PTPRK: variants seen among roughly 807,000 people sequenced by gnomAD.
PTPRK encodes receptor-type tyrosine-protein phosphatase kappa.
In PTPRK, 75 loss-of-function variants were observed where a neutral mutation model predicts 178.0. The observed-to-expected ratio is 0.42, with a 90% confidence interval of 0.35 to 0.51. The LOEUF (loss-of-function observed/expected upper bound fraction) is 0.51. PTPRK is among the 20% of genes least tolerant of loss of function. The probability of loss-of-function intolerance (pLI) is 0.02; values close to 1 mark genes in which losing one functional copy is unlikely to be tolerated. For synonymous variants in PTPRK, 637 were observed against 620.6 expected, an observed-to-expected ratio of 1.03 and a Z score of -0.39; for missense variants, 1,441 against 1,797.8, an observed-to-expected ratio of 0.80 and a Z score of 3.59.
At chr6:128,193,255 G>A (rs1804171538) in intron 6 of PTPRK, among the ~76,000 whole-genome samples, 1 of 83,554 alleles carries the variant, frequency 1.2e-5, no homozygotes, top group Non-Finnish European at 2.1e-5. Context: ...TGACCAAGTG[G>A]AATCAAATGA....
intron 1 of PTPRK, among the ~76,000 whole-genome samples, chr6:128,442,954 G>T (rs1337066244): frequency 1.3e-5 from 2 of 152,156 alleles, no homozygotes; most frequent in African/African-American, 4.8e-5. Context: ...AATTTGTATA[G>T]CATTGGTGAA....
chr6:128,006,958 T>C (rs1046033259), intron 14 of PTPRK, among the ~76,000 whole-genome samples: 1 of 150,870 alleles, frequency 6.6e-6, no homozygotes, highest in South Asian at 2.1e-4. Context: ...TCTACATGTA[T>C]TCATCCCAGT....
chr6:128,409,881 A>C (rs2128378218), intron 1 of PTPRK, among the ~76,000 whole-genome samples: 1 of 152,324 alleles, frequency 6.6e-6, no homozygotes, highest in Admixed American at 6.5e-5. Flanking sequence ...TGGAACTGTA[A>C]GTCCATTAAA....
intron 3 of PTPRK, among the ~76,000 whole-genome samples, chr6:128,277,792 T>C (rs1820965453): frequency 6.6e-6 from 1 of 152,136 alleles, no homozygotes; most frequent in Non-Finnish European, 1.5e-5. Context: ...AAGAATATCC[T>C]AAGGTATGGA....
At chr6:128,197,264 T>C (rs1201257560) in intron 6 of PTPRK, among the ~76,000 whole-genome samples, 1 of 151,450 alleles carries the variant, frequency 6.6e-6, no homozygotes, top group Non-Finnish European at 1.5e-5. Flanking sequence ...TACATAGGTA[T>C]ACATGTGCCA....
At chr6:128,506,908 A>T (rs546043162) in intron 1 of PTPRK, among the ~76,000 whole-genome samples, 1 of 152,254 alleles carries the variant, frequency 6.6e-6, no homozygotes, top group South Asian at 2.1e-4. Context: ...GAGATTAGAT[A>T]TTCTGCAAAC....
intron 8 of PTPRK, 84 bp from the exon 9 acceptor site, chr6:128,083,908 T>G: frequency 1.7e-6 from 1 of 600,064 alleles, no homozygotes; most frequent in East Asian, 3.3e-5. Context: ...ATAAACAGGA[T>G]TAAAAATAAA....
intron 14 of PTPRK, among the ~76,000 whole-genome samples, chr6:128,008,757 G>A (rs1317430505): frequency 6.6e-6 from 1 of 150,860 alleles, no homozygotes; most frequent in Non-Finnish European, 1.5e-5. Flanking sequence ...TACAGAAAAA[G>A]AGCACAAAAT....
intron 3 of PTPRK, among the ~76,000 whole-genome samples, chr6:128,294,017 CT>C (rs1185332261): frequency 6.6e-6 from 1 of 152,018 alleles, no homozygotes; most frequent in Admixed American, 6.6e-5. Flanking sequence ...GTAGATGATT[CT>C]TTTTTCTTTT....
intron 5 of PTPRK, among the ~76,000 whole-genome samples, chr6:128,226,765 T>G (rs1385939096): frequency 9.1e-5 from 3 of 32,900 alleles, no homozygotes; most frequent in African/African-American, 1.5e-4. Flanking sequence ...TATAGACATA[T>G]ATATATATAT....
At chr6:128,092,028 CT>C (rs1263405798) in intron 7 of PTPRK, among the ~76,000 whole-genome samples, 2 of 151,728 alleles carry the variant, frequency 1.3e-5, no homozygotes, top group African/African-American at 2.4e-5. Context: ...GTTTTGGTGT[CT>C]TTAAATGCTG....
Position 128,384,944 on chromosome 6 carries a change from T to A in PTPRK, c.223+12622A>T, listed in dbSNP as rs919102749. 2.0e-5 allele frequency among the ~76,000 whole-genome samples: 3 copies of A among 151,496 alleles called. No homozygotes were observed. The South Asian group carries it at 6.2e-4, about 31-fold the overall frequency. ...GATTGGGTATCTCTCCAGGATAGTA[T>A]TATACATATTAAGTTTATTTTATTA... On this transcript the variant is annotated intron_variant, in intron 2 of 29. Transcript: ENST00000368226.
intron 13 of PTPRK, among the ~76,000 whole-genome samples, chr6:128,053,441 C>A (rs72982099): frequency 0.11 from 16,966 of 152,000 alleles, 1,116 homozygotes; most frequent in African/African-American, 0.16. Flanking sequence ...CAGAGTCTGA[C>A]TCCCCACCCC....
chr6:128,226,265 T>C (rs1407173963), intron 5 of PTPRK, among the ~76,000 whole-genome samples: 2 of 152,206 alleles, frequency 1.3e-5, no homozygotes, highest in Non-Finnish European at 2.9e-5. Flanking sequence ...CTCTGTGAGA[T>C]TGCTGTGCAA....
Position 128,305,852 on chromosome 6 carries a change from T to C in PTPRK, c.495+16187A>G, listed in dbSNP as rs184524763. On this transcript the variant is annotated intron_variant, in intron 3 of 29. Transcript: ENST00000368226. ...AATCCCTCAGTATTTATTAATTATG[T>C]GTTATATGCTAGCTATTATGATGGA... 8.1e-3 allele frequency among the ~76,000 whole-genome samples: 1,240 copies of C among 152,342 alleles called. 9 individuals carry two copies. The highest frequency in any genetic ancestry group is 0.014 in the Non-Finnish European group (972 of 68,030).
intron 7 of PTPRK, among the ~76,000 whole-genome samples, chr6:128,119,936 T>C (rs1192610913): frequency 1.3e-5 from 2 of 152,008 alleles, no homozygotes; most frequent in African/African-American, 2.4e-5. Context: ...CCACACAAAA[T>C]AGTTCCTATC....
intron 2 of PTPRK, among the ~76,000 whole-genome samples, chr6:128,352,885 T>C (rs1469477953): frequency 6.6e-6 from 1 of 152,208 alleles, no homozygotes; most frequent in Non-Finnish European, 1.5e-5. Context: ...ATAAAATAGT[T>C]TGTTCAATGT....
intron 1 of PTPRK, among the ~76,000 whole-genome samples, chr6:128,469,850 G>A (rs117240555): frequency 0.017 from 2,508 of 151,984 alleles, 29 homozygotes; most frequent in Non-Finnish European, 0.027. Context: ...TAAAGAGAGA[G>A]AAAAAGGGCC....
chr6:128,183,159 T>C (rs1215032087), intron 7 of PTPRK, among the ~76,000 whole-genome samples: 2 of 152,198 alleles, frequency 1.3e-5, no homozygotes, highest in Non-Finnish European at 2.9e-5. Flanking sequence ...GAGAGTGAAC[T>C]AATTTTTAGT....
Sources: gnomAD v4.1 joint callset for allele counts (sites outside exome capture counted in the v4.1 genomes callset) on GRCh38, gnomAD v4.1.1 for gene constraint, MANE v1.5 for transcripts, NCBI Gene and HGNC (gene_info 2026-07-23, HGNC 2026-07-21) for gene names.